The following DOCK10 variants were observed in gnomAD, a reference collection of about 807,000 sequenced individuals.
DOCK10 encodes the protein dedicator of cytokinesis 10.
A neutral mutation model predicts 280.1 loss-of-function variants in DOCK10; 145 were observed. The ratio of observed to expected loss-of-function variants is 0.52; its 90% CI spans 0.45 to 0.59. DOCK10 has a LOEUF of 0.59. Ranked by LOEUF, DOCK10 falls within the 20% of genes least tolerant of loss-of-function variation. DOCK10 has a pLI of 0.00. For missense variants in DOCK10, 2,368 were observed against 2,651.7 expected (o/e 0.89, Z 2.35); for synonymous variants, 915 against 942.2 (o/e 0.97, Z 0.53).
chr2:224,800,101 C>G lies in DOCK10; in HGVS notation c.4506+50G>C, dbSNP rs144092010. On this transcript the variant is annotated intron_variant, in intron 41 of 55. Coordinates refer to ENST00000258390, the MANE Select transcript of DOCK10 (RefSeq NM_014689.3). ...ATGTTTTTGACTTCACATGGTTTTT[C>G]TACCTCATATTTCATCATTTTTTGC... The G allele has an allele frequency of 3.5e-3, 3,947 of 1,114,768 alleles. 96 individuals are homozygous for G. The African/African-American group carries it at 0.051, about 14-fold the overall frequency. 69.1% of individuals were successfully genotyped at this position (1,114,768 alleles called of 1,614,324 possible).
chr2:224,928,727 G>A (rs1419233016), intron 2 of DOCK10, among the ~76,000 whole-genome samples: 1 of 152,214 alleles, frequency 6.6e-6, no homozygotes, highest in Non-Finnish European at 1.5e-5. Context: ...GGATTAGGTA[G>A]CATTGAAAAT....
intron 14 of DOCK10, among the ~76,000 whole-genome samples, chr2:224,859,229 G>A (rs1454718155): frequency 6.6e-6 from 1 of 152,138 alleles, no homozygotes; most frequent in African/African-American, 2.4e-5. Context: ...AGAGATACGA[G>A]AATGAAATGT....
intron 23 of DOCK10, chr2:224,840,302 A>C: frequency 2.7e-6 from 1 of 366,588 alleles, no homozygotes; most frequent in Non-Finnish European, 5.0e-6. Flanking sequence ...GAAACACTCA[A>C]TGGAGTAAAG....
intron 1 of DOCK10, chr2:224,982,648 T>C (rs1159758932): frequency 2.4e-6 from 1 of 414,734 alleles, no homozygotes; most frequent in Non-Finnish European, 3.2e-6. Flanking sequence ...TTCATTACAA[T>C]GAAGCTCTTC....
intron 17 of DOCK10, 150 bp from the exon 18 acceptor site, chr2:224,852,592 T>C (rs1339234224): frequency 3.0e-6 from 2 of 677,846 alleles, no homozygotes; most frequent in South Asian, 2.1e-5. Flanking sequence ...TCTTTTGAAA[T>C]AACAGAAGGA....
rs748247508 is a variant in DOCK10, at chr2:224,805,296, C to T, written c.3961G>A (p.Gly1321Ser). 3.7e-6 allele frequency: 6 copies of T among 1,612,870 alleles called. No homozygotes were observed. In the African/African-American group the frequency reaches 6.7e-5, roughly 18 times the overall value. ...EKIPRPLSLI[G>S]STLRFDKLDQ... ...AACTTGTCAAATCGAAGAGTTGAGC[C>T]AATCAAAGACAAGGGTCTTGGGATC... Residue 1321 changes from glycine to serine, a missense_variant, in exon 36 of 56, where the codon GGC becomes AGC. By Grantham distance (56) the Gly-to-Ser change is moderately conservative (BLOSUM62 0). This residue lies in a region of DOCK10 where 1,159 missense variants were observed against 1,400.8 expected (regional missense o/e 0.83). Transcript: ENST00000258390. The surrounding 1 kb of genome is among the most constrained non-coding windows in gnomAD (Gnocchi z 4.3).
At chr2:224,778,383 T>C (rs1423295288) in intron 50 of DOCK10, 99 bp from the exon 51 acceptor site, 1 of 1,245,766 alleles carries the variant, frequency 8.0e-7, no homozygotes, top group Non-Finnish European at 1.1e-6. Flanking sequence ...ATACAGTTTT[T>C]GGTTGTCATC....
chr2:224,846,942 T>C (rs543935015), intron 19 of DOCK10, among the ~76,000 whole-genome samples: 1 of 152,226 alleles, frequency 6.6e-6, no homozygotes, highest in Non-Finnish European at 1.5e-5. Context: ...AGACAATTCA[T>C]ATGCACATTG....
At chr2:224,853,775 G>A (rs1317562798) in intron 16 of DOCK10, among the ~76,000 whole-genome samples, 1 of 152,184 alleles carries the variant, frequency 6.6e-6, no homozygotes, top group Non-Finnish European at 1.5e-5. Flanking sequence ...TGAAGTTGTG[G>A]TACTGAAAGA....
chr2:224,838,296 A>G (rs1695723190), intron 24 of DOCK10, among the ~76,000 whole-genome samples: 1 of 152,232 alleles, frequency 6.6e-6, no homozygotes, highest in Non-Finnish European at 1.5e-5. Flanking sequence ...GGAAAAAGTA[A>G]TTAGGTTAAG....
intron 40 of DOCK10, among the ~76,000 whole-genome samples, chr2:224,801,300 A>C (rs796693532): frequency 6.0e-5 from 9 of 150,952 alleles, no homozygotes; most frequent in South Asian, 2.1e-4. Context: ...AAAAAAAAAA[A>C]AAACATATTT....
chr2:224,881,510 A>G (rs1215197177), intron 7 of DOCK10, among the ~76,000 whole-genome samples: 1 of 152,178 alleles, frequency 6.6e-6, no homozygotes, highest in African/African-American at 2.4e-5. Context: ...GGGTATGCCT[A>G]CTTTACATAT....
chr2:224,972,361 A>C (rs1229910099), intron 1 of DOCK10, among the ~76,000 whole-genome samples: 4 of 152,162 alleles, frequency 2.6e-5, no homozygotes, highest in Non-Finnish European at 5.9e-5. Flanking sequence ...TAATCTACCA[A>C]ATGAATCCAT....
chr2:225,038,071 C>T (rs905135372), intron 1 of DOCK10, among the ~76,000 whole-genome samples: 1 of 152,050 alleles, frequency 6.6e-6, no homozygotes, highest in African/African-American at 2.4e-5. Context: ...AGGACTCTGT[C>T]CAGAACAACA....
At chr2:224,774,406 C>T (rs190696450) in intron 52 of DOCK10, among the ~76,000 whole-genome samples, 3 of 152,340 alleles carry the variant, frequency 2.0e-5, no homozygotes, top group Admixed American at 2.0e-4. Context: ...CTAGCAGGGC[C>T]TCACTAAAAG....
chr2:224,827,694 C>T (rs148238974), intron 27 of DOCK10, among the ~76,000 whole-genome samples: 25 of 152,262 alleles, frequency 1.6e-4, no homozygotes, highest in East Asian at 3.9e-4. Flanking sequence ...CAGAGAGATA[C>T]GAACCATTTT....
At chr2:224,985,491 A>T (rs1705948476) in intron 1 of DOCK10, among the ~76,000 whole-genome samples, 1 of 152,086 alleles carries the variant, frequency 6.6e-6, no homozygotes. Flanking sequence ...CGTGTTGTGT[A>T]GACTGTAGTA....
At chr2:225,015,061 C>T (rs1292839957) in intron 1 of DOCK10, among the ~76,000 whole-genome samples, 2 of 152,150 alleles carry the variant, frequency 1.3e-5, no homozygotes, top group Admixed American at 6.5e-5. Flanking sequence ...AAATTCTTTT[C>T]GCTCCTGGGA....
At chr2:224,935,440 A>G (rs1702629088) in intron 1 of DOCK10, among the ~76,000 whole-genome samples, 1 of 152,192 alleles carries the variant, frequency 6.6e-6, no homozygotes, top group South Asian at 2.1e-4. Context: ...GAAAAATCCA[A>G]AGTATAAAGT....
Sources: allele counts gnomAD v4.1 joint callset (sites outside exome capture counted in the v4.1 genomes callset), GRCh38; gene constraint gnomAD v4.1.1; regional missense constraint gnomAD v4.1.1; non-coding constraint Gnocchi (gnomAD v3.1); transcripts MANE v1.5; gene names NCBI Gene and HGNC (gene_info 2026-07-23, HGNC 2026-07-21).